Variants in RAPH1 observed in about 807,000 individuals in gnomAD.
RAPH1 encodes the protein Ras association (RalGDS/AF-6) and pleckstrin homology domains 1, also known as ras-associated and pleckstrin homology domains-containing protein 1.
Under a neutral mutation model 88.1 loss-of-function variants are expected in RAPH1, and 18 were observed. The ratio of observed to expected loss-of-function variants is 0.20; its 90% CI spans 0.14 to 0.30. The LOEUF (loss-of-function observed/expected upper bound fraction) is 0.30. RAPH1 is among the 10% of genes least tolerant of loss of function. RAPH1 has a pLI of 1.00. For synonymous variants in RAPH1, 587 were observed against 559.0 expected, an observed-to-expected ratio of 1.05 and a Z score of -0.71; for missense variants, 1,448 against 1,543.2, an observed-to-expected ratio of 0.94 and a Z score of 1.03.
chr2:203,527,127 T>C (rs143939193), intron 1 of RAPH1, among the ~76,000 whole-genome samples: 72 of 152,336 alleles, frequency 4.7e-4, no homozygotes, highest in African/African-American at 1.7e-3. Context: ...CCAAAATGGT[T>C]ACCTCCATTT....
intron 4 of RAPH1, among the ~76,000 whole-genome samples, chr2:203,486,615 G>A (rs1367070558): frequency 6.6e-6 from 1 of 152,198 alleles, no homozygotes; most frequent in Non-Finnish European, 1.5e-5. Flanking sequence ...AATATGATGT[G>A]TATGTGAGTA....
At chr2:203,456,938 C>T (rs1184275318) in intron 8 of RAPH1, among the ~76,000 whole-genome samples, 1 of 152,048 alleles carries the variant, frequency 6.6e-6, no homozygotes, top group Non-Finnish European at 1.5e-5. Context: ...AGCAAAACCA[C>T]ATCCTTCATT....
chr2:203,475,690 A>G (rs1178654394), intron 4 of RAPH1, among the ~76,000 whole-genome samples: 3 of 151,440 alleles, frequency 2.0e-5, no homozygotes, highest in African/African-American at 7.3e-5. Context: ...TATCACTTAT[A>G]ACATGTTTCA....
At chr2:203,525,218 C>T (rs1690059795) in intron 1 of RAPH1, among the ~76,000 whole-genome samples, 1 of 152,194 alleles carries the variant, frequency 6.6e-6, no homozygotes, top group African/African-American at 2.4e-5. Flanking sequence ...CGGAGTCTCG[C>T]TCTGTCGCCC....
intron 4 of RAPH1, among the ~76,000 whole-genome samples, chr2:203,487,181 C>G (rs552396082): frequency 1.9e-4 from 29 of 152,294 alleles, no homozygotes; most frequent in East Asian, 1.7e-3. Context: ...TTGTCCCTCA[C>G]GCATCTTAAT....
At position 203,434,139 on chromosome 2, in the gene RAPH1, A is replaced by AAAAT. The variant is rs2098496280; in HGVS notation, c.*5294_*5297dup. On this transcript the variant is annotated 3_prime_UTR_variant, in exon 14 of 14. Coordinates refer to ENST00000319170, the MANE Select transcript of RAPH1 (RefSeq NM_213589.3). ...AAATGAGCATACATTTATGCAGAAG[A>AAAAT]AAATAATAGCAACAAAGCTGCGAGA... 1 of 152,380 alleles carries AAAAT rather than the reference A, an allele frequency of 6.6e-6. No homozygotes were observed. The highest frequency in any genetic ancestry group is 2.4e-5 in the African/African-American group (1 of 41,338). The allele number at this position is 152,380 out of a possible 1,614,324, so 9.4% of individuals were successfully genotyped here.
chr2:203,441,589 GA>G, intron 13 of RAPH1, 176 bp from the exon 14 acceptor site: 1 of 1,355,916 alleles, frequency 7.4e-7, no homozygotes, highest in Non-Finnish European at 9.4e-7. Context: ...GCTAAAATCT[GA>G]TTGTGCGGGC....
chr2:203,476,870 T>C (rs144105322), intron 4 of RAPH1, among the ~76,000 whole-genome samples: 148 of 152,372 alleles, frequency 9.7e-4, no homozygotes, highest in African/African-American at 3.3e-3. Flanking sequence ...ATATCAATTA[T>C]GCTACCACCT....
At chr2:203,529,558 T>C (rs1393545722) in intron 1 of RAPH1, among the ~76,000 whole-genome samples, 1 of 151,944 alleles carries the variant, frequency 6.6e-6, no homozygotes, top group African/African-American at 2.4e-5. Flanking sequence ...AGATGGGGTT[T>C]CTCTATGTTG....
chr2:203,446,341 T>C (rs1407164338), intron 12 of RAPH1: 1 of 152,232 alleles, frequency 6.6e-6, no homozygotes, highest in Non-Finnish European at 1.5e-5. Flanking sequence ...TCACACACTA[T>C]GTCAAAGGTC....
At chr2:203,466,912 C>A (rs1352421724) in intron 4 of RAPH1, among the ~76,000 whole-genome samples, 1 of 152,188 alleles carries the variant, frequency 6.6e-6, no homozygotes, top group Admixed American at 6.5e-5. Flanking sequence ...AGAATACTTA[C>A]AGAAAGTGCT....
Position 203,506,794 on chromosome 2 carries a change from CTATATA to C in RAPH1, c.1-11447_1-11442del, listed in dbSNP as rs1169335421. ...TCTATATATATCTAGATATATATAT[CTATATA>C]TATATCTATATCTATATATCTATAT... is the stretch of plus-strand genomic sequence containing the variant. On this transcript the variant is annotated intron_variant, in intron 1 of 13. Coordinates refer to ENST00000319170, the MANE Select transcript of RAPH1 (RefSeq NM_213589.3). 1.7e-4 allele frequency among the ~76,000 whole-genome samples: 16 copies of C among 93,152 alleles called. 1 individual carries two copies. The highest frequency in any genetic ancestry group is 6.9e-4 in the African/African-American group (14 of 20,368). 61.1% of individuals were successfully genotyped at this position (93,152 alleles called of 152,430 possible).
At chr2:203,500,542 G>T (rs1688697640) in intron 1 of RAPH1, among the ~76,000 whole-genome samples, 1 of 151,944 alleles carries the variant, frequency 6.6e-6, no homozygotes, top group Admixed American at 6.6e-5. Flanking sequence ...AATTACCTGG[G>T]GTGCATCTTT....
intron 10 of RAPH1, 129 bp downstream of exon 10, chr2:203,454,301 T>G: frequency 1.6e-6 from 1 of 629,174 alleles, no homozygotes; most frequent in African/African-American, 1.8e-5. Context: ...CACTTCACCA[T>G]TCCTTTTTAA....
chr2:203,508,128 G>A (rs1482659280), intron 1 of RAPH1, among the ~76,000 whole-genome samples: 1 of 150,320 alleles, frequency 6.7e-6, no homozygotes, highest in Non-Finnish European at 1.5e-5. Context: ...GCTGAGGCAG[G>A]AGAATGGCGT....
At chr2:203,475,403 T>C (rs895504327) in intron 4 of RAPH1, among the ~76,000 whole-genome samples, 1 of 151,592 alleles carries the variant, frequency 6.6e-6, no homozygotes, top group Admixed American at 6.6e-5. Flanking sequence ...CGAGACTCCG[T>C]CTCAAAAAAA....
At chr2:203,453,549 A>G (rs1232243744) in intron 10 of RAPH1, among the ~76,000 whole-genome samples, 1 of 135,138 alleles carries the variant, frequency 7.4e-6, no homozygotes, top group East Asian at 2.0e-4. Flanking sequence ...CTGCCTCAAA[A>G]AAAAAAAAAA....
intron 1 of RAPH1, among the ~76,000 whole-genome samples, chr2:203,496,346 G>C (rs1044426909): frequency 3.3e-5 from 5 of 149,340 alleles, no homozygotes; most frequent in Non-Finnish European, 5.9e-5. Context: ...CAACAAGAGT[G>C]AAACTCCGTC....
At chr2:203,531,970 T>C (rs1163002884) in intron 1 of RAPH1, among the ~76,000 whole-genome samples, 1 of 152,214 alleles carries the variant, frequency 6.6e-6, no homozygotes, top group Non-Finnish European at 1.5e-5. Flanking sequence ...TTATTCACAG[T>C]ACCCCAAAGG....
Sources: gnomAD v4.1 joint callset for allele counts (sites outside exome capture counted in the v4.1 genomes callset) on GRCh38, gnomAD v4.1.1 for gene constraint, MANE v1.5 for transcripts, NCBI Gene and HGNC (gene_info 2026-07-23, HGNC 2026-07-21) for gene names.